Variants in SOCS2 observed in about 807,000 individuals in gnomAD.
The protein encoded by SOCS2 is CIS-2.
A neutral mutation model predicts 18.6 loss-of-function variants in SOCS2; 10 were observed. The observed-to-expected ratio is 0.54, with a 90% CI of 0.33 to 0.91. The LOEUF (loss-of-function observed/expected upper bound fraction) is 0.91, where lower values mean the gene tolerates loss of function less well. Ranked by LOEUF, SOCS2 falls within the 40% of genes least tolerant of loss-of-function variation. The pLI, the probability that SOCS2 is intolerant of heterozygous loss-of-function variation, is 0.02. For synonymous variants in SOCS2, 104 were observed against 104.0 expected, an observed-to-expected ratio of 1.00 and a Z score of 0.00; for missense variants, 231 against 247.2, an observed-to-expected ratio of 0.93 and a Z score of 0.44.
chr12:93,580,595 T>C (rs1384352355), downstream of SOCS2, among the ~76,000 whole-genome samples: 2 of 123,262 alleles, frequency 1.6e-5, no homozygotes, highest in African/African-American at 6.4e-5. Flanking sequence ...CACTCCAGCC[T>C]GGGCAACAGA....
chr12:93,582,609 G>A (rs970998452), intron 1 of SOCS2, among the ~76,000 whole-genome samples: 17 of 152,324 alleles, frequency 1.1e-4, no homozygotes, highest in African/African-American at 4.1e-4. Flanking sequence ...TTCCCTTTGA[G>A]GAGCGGCTTC....
the SOCS2 span, among the ~76,000 whole-genome samples, chr12:93,615,085 C>T: frequency 3.9e-5 from 6 of 152,112 alleles, no homozygotes; most frequent in Non-Finnish European, 8.8e-5. Context: ...CTCCTTATCT[C>T]CTCATGCCTT....
downstream of SOCS2, among the ~76,000 whole-genome samples, chr12:93,586,694 G>A (rs1954586565): frequency 6.6e-6 from 1 of 151,828 alleles, no homozygotes; most frequent in African/African-American, 2.4e-5. Flanking sequence ...TTTCATTTCA[G>A]TTTTTCTACT....
the SOCS2 span, among the ~76,000 whole-genome samples, chr12:93,601,962 T>G: frequency 2.2e-4 from 33 of 152,242 alleles, no homozygotes; most frequent in African/African-American, 7.7e-4. Flanking sequence ...TTATATCACT[T>G]GCTGATGACC....
downstream of SOCS2, among the ~76,000 whole-genome samples, chr12:93,579,145 C>A (rs757958880): frequency 1.8e-4 from 27 of 152,246 alleles, no homozygotes; most frequent in Admixed American, 3.9e-4. Context: ...GCCTGGGCGA[C>A]TGCCCGCCCT....
chr12:93,571,312 G>C (rs1342425171), upstream of SOCS2: 1 of 152,278 alleles, frequency 6.6e-6, no homozygotes, highest in Non-Finnish European at 1.5e-5. Context: ...AGCGGCGGAC[G>C]GCCTGGGCTT....
chr12:93,620,688 A>G, the SOCS2 span, among the ~76,000 whole-genome samples: 10 of 152,214 alleles, frequency 6.6e-5, no homozygotes, highest in Admixed American at 2.6e-4. Context: ...TGCTGGGATT[A>G]CAGGCATGAG....
rs1954445311 is a variant in SOCS2 at position 93,575,720 on chromosome 12, TCAAC to T, written c.*545_*548del. 6.6e-6 allele frequency: 1 copy of T among 152,626 alleles called. No homozygotes were observed. The highest frequency in any genetic ancestry group is 1.5e-5 in the Non-Finnish European group (1 of 68,060). 9.5% of individuals were successfully genotyped at this position (152,626 alleles called of 1,614,324 possible). A position where few individuals can be genotyped will look rare whatever the true frequency, so the allele number is the denominator to read the frequency against. On this transcript the variant is annotated 3_prime_UTR_variant, in exon 2 of 2. Coordinates refer to ENST00000551556, the MANE Select transcript of SOCS2 (RefSeq NM_001270471.2). ...ATCCCATTTTATGCAATTAACCAAA[TCAAC>T]CAAAAAAAGTGACCATGAAGTCCTG...
At chr12:93,580,618 CAAAAAAAAAAAAAAAA>C (rs35305411), downstream of SOCS2, among the ~76,000 whole-genome samples, 1 of 73,156 alleles carries the variant, frequency 1.4e-5, no homozygotes, top group Non-Finnish European at 2.8e-5. Flanking sequence ...GAGACTGTCT[CAAAAAAAAAAAAAAAA>C]AAAAAAGAAA....
rs1373567222 is a variant in SOCS2 at position 93,574,726 on chromosome 12, G to C, written c.144G>C (p.Trp48Cys). The C allele has an allele frequency of 6.2e-7, 1 of 1,605,424 alleles. No homozygotes were observed. Among genetic ancestry groups the C allele is most frequent in the East Asian group, 2.2e-5 (1 of 44,836 alleles). The change falls in exon 2 of 2, where the codon TGG becomes TGC. Residue 48 changes from tryptophan to cysteine, a missense_variant. By Grantham distance (215) the Trp-to-Cys change is radical (BLOSUM62 -2). This residue lies in a region of SOCS2 where 106 missense variants were observed against 103.8 expected (regional missense o/e 1.02). Coordinates refer to ENST00000551556, the MANE Select transcript of SOCS2 (RefSeq NM_001270471.2). Reference protein sequence around the residue: ...KALRELGQTGWYWGSMTVNEA... With the variant: ...KALRELGQTGCYWGSMTVNEA... ...CTTTTTGAACAAAAACCCCAGGATGGTACTGGGGAAGTATGACTGTTAATG... is the reference window on the plus strand; with the variant it reads ...CTTTTTGAACAAAAACCCCAGGATGCTACTGGGGAAGTATGACTGTTAATG...
At chr12:93,606,510 C>A in the SOCS2 span, among the ~76,000 whole-genome samples, 1 of 151,918 alleles carries the variant, frequency 6.6e-6, no homozygotes, top group Non-Finnish European at 1.5e-5. Flanking sequence ...AGCTCTAATA[C>A]TAGGATCAGG....
chr12:93,614,362 CTTCTTTCTTTCTTTCTTTCTTTCT>C, the SOCS2 span, among the ~76,000 whole-genome samples: 65 of 79,462 alleles, frequency 8.2e-4, no homozygotes, highest in Middle Eastern at 6.4e-3. Context: ...AGCAATTTTC[CTTCTTTCTTTCTTTCTTTCTTTCT>C]TTCTTTCTTT....
the SOCS2 span, among the ~76,000 whole-genome samples, chr12:93,615,912 A>G: frequency 6.6e-6 from 1 of 152,208 alleles, no homozygotes; most frequent in Non-Finnish European, 1.5e-5. Flanking sequence ...GTGAAAGTAG[A>G]AAGGACCTTA....
At chr12:93,620,503 C>T in the SOCS2 span, among the ~76,000 whole-genome samples, 3 of 152,146 alleles carry the variant, frequency 2.0e-5, no homozygotes, top group Admixed American at 6.5e-5. Context: ...GCAACCTCCA[C>T]CTGCCAGGTT....
At chr12:93,623,711 A>AT in the SOCS2 span, among the ~76,000 whole-genome samples, 249 of 146,752 alleles carry the variant, frequency 1.7e-3, no homozygotes, top group East Asian at 3.1e-3. Context: ...TTAATCATGA[A>AT]TTTTTTTTTT....
chr12:93,614,603 CTT>C, the SOCS2 span, among the ~76,000 whole-genome samples: 5 of 109,146 alleles, frequency 4.6e-5, no homozygotes, highest in Non-Finnish European at 9.1e-5. Context: ...TTCTTTCTTT[CTT>C]TCTTTCTTTC....
In SOCS2 at chr12:93,572,680, T is replaced by G; in HGVS notation, c.-218T>G. The stretch of plus-strand genomic sequence containing the variant: ...CTGACCCAACCTCCCGCTTTCTCTT[T>G]GTAGGCGATCAGTGGGTGACCGCGG... On this transcript the variant is annotated 5_prime_UTR_variant, in exon 1 of 2. Coordinates refer to ENST00000551556, the MANE Select transcript of SOCS2 (RefSeq NM_001270471.2). The surrounding 1 kb of genome is among the most constrained non-coding windows in gnomAD (Gnocchi z 5.0). The G allele has an allele frequency of 2.8e-6, 2 of 726,816 alleles. No homozygotes were observed. The allele number at this position is 726,816 out of a possible 1,614,324, so 45.0% of individuals were successfully genotyped here.
chr12:93,577,862 T>TG (rs1454521572), downstream of SOCS2, among the ~76,000 whole-genome samples: 1 of 152,130 alleles, frequency 6.6e-6, no homozygotes, highest in African/African-American at 2.4e-5. Flanking sequence ...TTATACATGG[T>TG]GGAAAAAAAG....
chr12:93,608,492 G>C, the SOCS2 span, among the ~76,000 whole-genome samples: 30 of 152,016 alleles, frequency 2.0e-4, no homozygotes, highest in African/African-American at 6.5e-4. Flanking sequence ...CTATTTTCAG[G>C]ATGACATCAC....
Sources: allele counts gnomAD v4.1 joint callset (sites outside exome capture counted in the v4.1 genomes callset), GRCh38; gene constraint gnomAD v4.1.1; regional missense constraint gnomAD v4.1.1; non-coding constraint Gnocchi (gnomAD v3.1); transcripts MANE v1.5; gene names NCBI Gene and HGNC (gene_info 2026-07-23, HGNC 2026-07-21).